The following XPNPEP1 variants were observed in gnomAD, a reference collection of about 807,000 sequenced individuals.
The protein encoded by XPNPEP1 is xaa-Pro aminopeptidase 1.
Under a neutral mutation model 92.4 loss-of-function variants are expected in XPNPEP1, and 39 were observed. That is an observed-to-expected ratio of 0.42 (90% CI 0.33 to 0.55). XPNPEP1 has a LOEUF of 0.55. XPNPEP1 is among the 20% of genes least tolerant of loss of function. The pLI, the probability that XPNPEP1 is intolerant of heterozygous loss-of-function variation, is 0.08. For missense variants in XPNPEP1, 654 were observed against 856.1 expected (o/e 0.76, Z 2.95); for synonymous variants, 307 against 299.4 (o/e 1.03, Z -0.26).
At chr10:109,889,134 T>C (rs923926452) in intron 5 of XPNPEP1, among the ~76,000 whole-genome samples, 1 of 152,308 alleles carries the variant, frequency 6.6e-6, no homozygotes, top group Non-Finnish European at 1.5e-5. Flanking sequence ...TAAGCACAAG[T>C]CTTGGCAGCA....
chr10:109,917,364 A>G (rs1196278367), intron 1 of XPNPEP1, among the ~76,000 whole-genome samples: 1 of 152,246 alleles, frequency 6.6e-6, no homozygotes, highest in Non-Finnish European at 1.5e-5. Context: ...AAATAAAATT[A>G]AGAAAAGTCC....
At chr10:109,886,606 T>TAGATACG (rs1848404324) in intron 7 of XPNPEP1, among the ~76,000 whole-genome samples, 1 of 152,198 alleles carries the variant, frequency 6.6e-6, no homozygotes, top group South Asian at 2.1e-4. Flanking sequence ...CTGCCAGGCA[T>TAGATACG]AGATACGTGC....
intron 16 of XPNPEP1, 144 bp from the exon 17 acceptor site, chr10:109,872,005 G>GA (rs1438354186): frequency 2.5e-6 from 2 of 784,716 alleles, no homozygotes; most frequent in Non-Finnish European, 3.9e-6. Context: ...AAATCTGGTG[G>GA]AAAAAAAGCC....
chr10:109,902,635 AAAAG>A (rs1392563160), intron 3 of XPNPEP1, among the ~76,000 whole-genome samples: 8 of 152,364 alleles, frequency 5.3e-5, no homozygotes, highest in African/African-American at 1.9e-4. Context: ...TTAAGATTAT[AAAAG>A]AAAGAGTGGA....
chr10:109,905,451 G>A (rs960635174), intron 3 of XPNPEP1, among the ~76,000 whole-genome samples: 2 of 152,100 alleles, frequency 1.3e-5, no homozygotes, highest in South Asian at 4.2e-4. Context: ...CTCATGATCC[G>A]CCTGCCTCGG....
intron 20 of XPNPEP1, among the ~76,000 whole-genome samples, chr10:109,865,576 C>A (rs1048877321): frequency 1.3e-5 from 2 of 152,222 alleles, no homozygotes; most frequent in Non-Finnish European, 2.9e-5. Context: ...GCCAGTAGCT[C>A]CTGCTCCCAC....
intron 5 of XPNPEP1, chr10:109,891,517 G>C (rs1332097015): frequency 7.0e-6 from 3 of 429,812 alleles, no homozygotes; most frequent in Non-Finnish European, 1.2e-5. Context: ...AGTAAAATAA[G>C]TATCCTGAAC....
intron 17 of XPNPEP1, among the ~76,000 whole-genome samples, chr10:109,871,254 G>C (rs964104059): frequency 2.6e-5 from 4 of 152,082 alleles, no homozygotes; most frequent in African/African-American, 9.7e-5. Context: ...AGACAGGCAG[G>C]CATGACAGAT....
At chr10:109,865,980 C>A (rs1254682482) in intron 20 of XPNPEP1, among the ~76,000 whole-genome samples, 3 of 152,152 alleles carry the variant, frequency 2.0e-5, no homozygotes, top group Non-Finnish European at 4.4e-5. Context: ...GACATGATGG[C>A]AAAAGCTCTG....
At chr10:109,903,235 T>A (rs916845650) in intron 3 of XPNPEP1, among the ~76,000 whole-genome samples, 4 of 152,140 alleles carry the variant, frequency 2.6e-5, no homozygotes, top group African/African-American at 9.7e-5. Flanking sequence ...AACCTTCAAC[T>A]CTTAATTCAA....
chr10:109,907,880 A>G, intron 2 of XPNPEP1, 65 bp from the exon 3 acceptor site: 1 of 1,594,348 alleles, frequency 6.3e-7, no homozygotes, highest in Non-Finnish European at 8.5e-7. Context: ...TCCAGTTCGA[A>G]GTGGGCCACA....
intron 1 of XPNPEP1, among the ~76,000 whole-genome samples, chr10:109,919,971 G>A (rs910761826): frequency 1.3e-5 from 2 of 152,072 alleles, no homozygotes; most frequent in African/African-American, 4.8e-5. Flanking sequence ...GGTGGAGGCT[G>A]CAGTGAGCCA....
chr10:109,884,450 G>A (rs575802), intron 8 of XPNPEP1: 125,641 of 283,736 alleles, frequency 0.44, 31,202 homozygotes, highest in Non-Finnish European at 0.56. Flanking sequence ...GAAATGATCC[G>A]CCTAGTGGTG....
intron 3 of XPNPEP1, among the ~76,000 whole-genome samples, chr10:109,903,006 C>G (rs1456340879): frequency 1.3e-5 from 2 of 152,184 alleles, no homozygotes; most frequent in Non-Finnish European, 2.9e-5. Flanking sequence ...AAGTATCAGT[C>G]AGGGTGTCCA....
chr10:109,900,206 A>G (rs1386843927), intron 3 of XPNPEP1, among the ~76,000 whole-genome samples: 1 of 152,172 alleles, frequency 6.6e-6, no homozygotes, highest in African/African-American at 2.4e-5. Flanking sequence ...GAAAGTACAC[A>G]AAGGACAGAA....
At chr10:109,893,338 T>C in intron 3 of XPNPEP1, 1 of 347,534 alleles carries the variant, frequency 2.9e-6, no homozygotes. Context: ...GAGAAACAGA[T>C]AAAAACTGCT....
At chr10:109,865,639 G>C (rs1589531679) in intron 20 of XPNPEP1, among the ~76,000 whole-genome samples, 1 of 152,194 alleles carries the variant, frequency 6.6e-6, no homozygotes, top group Non-Finnish European at 1.5e-5. Context: ...TGGTAAGTGG[G>C]GGAATAGCCC....
intron 16 of XPNPEP1, 86 bp from the exon 17 acceptor site, chr10:109,871,947 G>T: frequency 1.5e-6 from 2 of 1,364,378 alleles, no homozygotes; most frequent in Non-Finnish European, 2.0e-6. Context: ...AATCCTGCCT[G>T]CTAAAGTTTT....
At chr10:109,921,087 C>T (rs1319694586) in intron 1 of XPNPEP1, among the ~76,000 whole-genome samples, 1 of 152,204 alleles carries the variant, frequency 6.6e-6, no homozygotes, top group South Asian at 2.1e-4. Context: ...TCCGCAGAGT[C>T]CAAGATCTAT....
Sources: gnomAD v4.1 joint callset for allele counts (sites outside exome capture counted in the v4.1 genomes callset) on GRCh38, gnomAD v4.1.1 for gene constraint, MANE v1.5 for transcripts, NCBI Gene and HGNC (gene_info 2026-07-23, HGNC 2026-07-21) for gene names.